GRIA4: variants seen among roughly 807,000 people sequenced by gnomAD.
GRIA4 encodes glutamate receptor 4.
Under a neutral mutation model 104.0 loss-of-function variants are expected in GRIA4, and 34 were observed. The ratio of observed to expected loss-of-function variants is 0.33; its 90% confidence interval spans 0.25 to 0.44. GRIA4 has a LOEUF of 0.44. GRIA4 is among the 20% of genes least tolerant of loss of function. The pLI is 1.00. For missense variants in GRIA4, 750 were observed against 1,096.5 expected (o/e 0.68, Z 4.46); for synonymous variants, 386 against 381.9 (o/e 1.01, Z -0.13).
chr11:105,917,098 C>A (rs1947430047), intron 10 of GRIA4, among the ~76,000 whole-genome samples: 1 of 152,124 alleles, frequency 6.6e-6, no homozygotes, highest in African/African-American at 2.4e-5. Flanking sequence ...TTGCTAAACT[C>A]TTTATATTTT....
intron 4 of GRIA4, among the ~76,000 whole-genome samples, chr11:105,818,872 A>G (rs1196073188): frequency 6.6e-6 from 1 of 152,182 alleles, no homozygotes; most frequent in Non-Finnish European, 1.5e-5. Flanking sequence ...TTTAGAAGTC[A>G]TATGTTTTGA....
chr11:105,970,991 A>G (rs1858659913), intron 14 of GRIA4, among the ~76,000 whole-genome samples: 1 of 152,162 alleles, frequency 6.6e-6, no homozygotes. Context: ...GGAATCAAAG[A>G]TAGTAGAGGA....
intron 5 of GRIA4, 88 bp downstream of exon 5, chr11:105,862,296 C>T (rs533665239): frequency 5.6e-6 from 4 of 715,510 alleles, no homozygotes; most frequent in Admixed American, 2.7e-5. Flanking sequence ...CATCTTCTCC[C>T]AGCTTTTAAT....
At position 105,774,880 on chromosome 11, in the gene GRIA4, T is replaced by C. The variant is rs1193726833; in HGVS notation, c.487+21660T>C. ...ATTATCAATATATATTAGTTTTCTA[T>C]GGATGCTGTAATAAATTACTGCAAA... On this transcript the variant is annotated intron_variant, in intron 4 of 16. Coordinates refer to ENST00000282499, the MANE Select transcript of GRIA4 (RefSeq NM_000829.4). Among the ~76,000 whole-genome samples, 6 of 152,192 alleles carry C rather than the reference T, an allele frequency of 3.9e-5. 1 individual carries two copies. The highest frequency in any genetic ancestry group is 2.6e-4 in the Admixed American group (4 of 15,252).
chr11:105,672,113 T>C (rs913016394), intron 3 of GRIA4, among the ~76,000 whole-genome samples: 3 of 152,146 alleles, frequency 2.0e-5, no homozygotes, highest in East Asian at 1.9e-4. Flanking sequence ...TGGCACAAAA[T>C]AGAATTTTAA....
At chr11:105,740,848 A>G (rs915605224) in intron 3 of GRIA4, among the ~76,000 whole-genome samples, 4 of 152,174 alleles carry the variant, frequency 2.6e-5, no homozygotes, top group African/African-American at 9.6e-5. Context: ...ATGGTTAGTA[A>G]GCGGTGCAGT....
At position 105,777,548 on chromosome 11, in the gene GRIA4, G is replaced by A. The variant is rs547875977; in HGVS notation, c.487+24328G>A. On this transcript the variant is annotated intron_variant, in intron 4 of 16. Transcript: ENST00000282499. ...CTAAGTCCCATTCATTTTAACACAT[G>A]ACCATTCAAGAAAATCTTTAAAATT... 1.6e-4 allele frequency among the ~76,000 whole-genome samples: 25 copies of A among 152,082 alleles called. 1 individual carries two copies. In the South Asian group the frequency reaches 5.2e-3, roughly 32 times the overall value.
intron 3 of GRIA4, among the ~76,000 whole-genome samples, chr11:105,670,610 T>G (rs1952329243): frequency 6.6e-6 from 1 of 152,170 alleles, no homozygotes; most frequent in Admixed American, 6.6e-5. Flanking sequence ...GTATATTGCA[T>G]GCATAAGTGT....
At chr11:105,629,526 G>A (rs10736645) in intron 3 of GRIA4, among the ~76,000 whole-genome samples, 63,074 of 151,434 alleles carry the variant, frequency 0.42, 13,540 homozygotes, top group South Asian at 0.57. Context: ...ATATAAAAGA[G>A]ACTGAAAAAG....
chr11:105,914,764 T>C (rs1056782706), intron 10 of GRIA4, among the ~76,000 whole-genome samples: 1 of 152,200 alleles, frequency 6.6e-6, no homozygotes, highest in Non-Finnish European at 1.5e-5. Flanking sequence ...CATGGCAGGT[T>C]GTATACATAA....
At chr11:105,713,977 C>A (rs537679502) in intron 3 of GRIA4, among the ~76,000 whole-genome samples, 11 of 152,196 alleles carry the variant, frequency 7.2e-5, no homozygotes, top group East Asian at 3.9e-4. Context: ...TTGTTTGTTA[C>A]CACAATAATC....
At chr11:105,745,474 G>A (rs1404138244) in intron 3 of GRIA4, among the ~76,000 whole-genome samples, 3 of 151,734 alleles carry the variant, frequency 2.0e-5, no homozygotes, top group Non-Finnish European at 2.9e-5. Flanking sequence ...GAGGTAAAGT[G>A]ACAGAAAAAC....
At chr11:105,946,068 T>C (rs929227291) in intron 14 of GRIA4, among the ~76,000 whole-genome samples, 15 of 152,186 alleles carry the variant, frequency 9.9e-5, no homozygotes, top group African/African-American at 3.4e-4. Flanking sequence ...AAACTGTGGT[T>C]AGAAAAATAG....
In GRIA4 at chr11:105,959,713, T is replaced by C. The variant is rs187175622; in HGVS notation, c.2295-12201T>C. On this transcript the variant is annotated intron_variant, in intron 14 of 16. Coordinates refer to ENST00000282499, the MANE Select transcript of GRIA4 (RefSeq NM_000829.4). ...TTTTTGGGTTTTCAGCATTTTTTCA[T>C]TGATTCTTTCTCATCTTCATGAGTT... 7.1e-4 allele frequency among the ~76,000 whole-genome samples: 108 copies of C among 152,292 alleles called. 2 individuals are homozygous for C. Among genetic ancestry groups the C allele is most frequent in the African/African-American group, 2.4e-3 (99 of 41,574 alleles).
At chr11:105,730,508 A>G (rs1371661395) in intron 3 of GRIA4, among the ~76,000 whole-genome samples, 1 of 152,194 alleles carries the variant, frequency 6.6e-6, no homozygotes, top group African/African-American at 2.4e-5. Context: ...GACTTTCCTC[A>G]AAGAATTAGA....
At chr11:105,765,653 C>T (rs1031363109) in intron 4 of GRIA4, among the ~76,000 whole-genome samples, 1 of 152,194 alleles carries the variant, frequency 6.6e-6, no homozygotes, top group Admixed American at 6.5e-5. Flanking sequence ...CAGCTAACTA[C>T]AGCCTGTGGA....
chr11:105,895,403 AG>A (rs1453163681), intron 6 of GRIA4, among the ~76,000 whole-genome samples: 1 of 151,980 alleles, frequency 6.6e-6, no homozygotes, highest in African/African-American at 2.4e-5. Flanking sequence ...GATTTTTATA[AG>A]GTACCTAAAA....
chr11:105,797,235 TGAAAA>T (rs1942515022), intron 4 of GRIA4, among the ~76,000 whole-genome samples: 1 of 150,004 alleles, frequency 6.7e-6, no homozygotes, highest in South Asian at 2.1e-4. Context: ...ATAAAACAAA[TGAAAA>T]GAAAGAAAAA....
In GRIA4 at chr11:105,903,990, C is replaced by A. The variant is rs535564967; in HGVS notation, c.1053+9C>A. 9.0e-6 allele frequency: 14 copies of A among 1,563,728 alleles called. No homozygotes were observed. The South Asian group carries it at 1.6e-4, about 18-fold the overall frequency. ...AGAGGACACTCAAACAGGTAACTCA[C>A]AATTTTATTTAAGTTCAATTCATTT... On this transcript the variant is annotated intron_variant, in intron 8 of 16. Coordinates refer to ENST00000282499, the MANE Select transcript of GRIA4 (RefSeq NM_000829.4).
Sources: gnomAD v4.1 joint callset for allele counts (sites outside exome capture counted in the v4.1 genomes callset) on GRCh38, gnomAD v4.1.1 for gene constraint, MANE v1.5 for transcripts, NCBI Gene and HGNC (gene_info 2026-07-23, HGNC 2026-07-21) for gene names.